ACSM5: variants seen among roughly 807,000 people sequenced by gnomAD.
ACSM5 encodes acyl-coenzyme A synthetase ACSM5, mitochondrial.
A neutral mutation model predicts 71.6 loss-of-function variants in ACSM5; 56 were observed. That is an observed-to-expected ratio of 0.78 (90% CI 0.63 to 0.98). The LOEUF (loss-of-function observed/expected upper bound fraction) is 0.98. ACSM5 is among the 50% of genes least tolerant of loss of function. ACSM5 has a pLI of 0.00. For synonymous variants in ACSM5, 285 were observed against 281.5 expected, an observed-to-expected ratio of 1.01 and a Z score of -0.12; for missense variants, 723 against 726.0, an observed-to-expected ratio of 1.00 and a Z score of 0.05.
intron 2 of ACSM5, among the ~76,000 whole-genome samples, chr16:20,414,248 C>T (rs538776464): frequency 5.3e-5 from 8 of 152,222 alleles, no homozygotes; most frequent in South Asian, 2.1e-4. Context: ...TGGCAAGAGA[C>T]TTTGCAAACA....
Position 20,427,793 on chromosome 16 carries a change from C to T in ACSM5, c.927C>T (p.Leu309=). 6.2e-7 allele frequency: 1 copy of T among 1,612,874 alleles called. No homozygotes were observed. The highest frequency in any genetic ancestry group is 2.2e-5 in the East Asian group (1 of 44,886). ...CACCCTTTGTTTTTGTTTAGACTCT[C>T]TCCAAATTCCCGATAACCACCCTCT... is the stretch of plus-strand genomic sequence containing the variant. ...RVDAKVILNT[L]SKFPITTLCC... is the part of the protein sequence containing the mutation. The change falls in exon 7 of 14, where the codon CTC becomes CTT. Residue 309 remains leucine (L), a synonymous_variant. Coordinates refer to ENST00000331849, the MANE Select transcript of ACSM5 (RefSeq NM_017888.3).
rs771212949 is a variant in ACSM5 at position 20,419,395 on chromosome 16, A to C, written c.583A>C (p.Ser195Arg). Residue 195 changes from serine (S) to arginine (R), a missense_variant, in exon 4 of 14, where the codon AGC (serine) becomes CGC (arginine). Physicochemically the swap from Ser to Arg is moderately radical, Grantham distance 110 (BLOSUM62 -1). Transcript: ENST00000331849. ...SLQTKLLVSDSSRPGWLNFRE... is the reference protein window; with the variant it reads ...SLQTKLLVSDRSRPGWLNFRE... ...CCAGACCAAGCTGCTGGTGTCAGAC[A>C]GCAGTCGGCCAGGCTGGTTGAACTT... 6.2e-7 allele frequency: 1 copy of C among 1,614,228 alleles called. No individual in the cohort carries two copies. The highest frequency in any genetic ancestry group is 8.5e-7 in the Non-Finnish European group (1 of 1,180,026).
chr16:20,419,708 G>A (rs1482666466), intron 4 of ACSM5: 1 of 490,034 alleles, frequency 2.0e-6, no homozygotes, highest in African/African-American at 1.9e-5. Context: ...CAGAGTACAT[G>A]AAATAACCAA....
At chr16:20,438,125 G>A (rs1475356660) in intron 12 of ACSM5, among the ~76,000 whole-genome samples, 5 of 151,932 alleles carry the variant, frequency 3.3e-5, no homozygotes, top group Admixed American at 6.6e-5. Context: ...ACCGTGCCCG[G>A]CTAGGAGAAA....
At position 20,434,448 on chromosome 16, in the gene ACSM5, C is replaced by A. The variant is rs139808193; in HGVS notation, c.1309-2604C>A. Among the ~76,000 whole-genome samples, 906 of 152,268 alleles carry A rather than the reference C, an allele frequency of 6.0e-3. 6 individuals carry two copies. The highest frequency in any genetic ancestry group is 0.021 in the African/African-American group (868 of 41,560). ...GTTGCTCACGACTGTAATCCTAGCACTTTGGGAGGCCAAGGCTGGTGGATC... is the reference window on the plus strand; with the variant it reads ...GTTGCTCACGACTGTAATCCTAGCAATTTGGGAGGCCAAGGCTGGTGGATC... On this transcript the variant is annotated intron_variant, in intron 10 of 13. Coordinates refer to ENST00000331849, the MANE Select transcript of ACSM5 (RefSeq NM_017888.3).
intron 10 of ACSM5, among the ~76,000 whole-genome samples, chr16:20,434,492 G>A (rs762397703): frequency 3.9e-5 from 6 of 152,174 alleles, no homozygotes; most frequent in South Asian, 2.1e-4. Context: ...TCAGGAGTTC[G>A]AGACCAGCCT....
At chr16:20,415,854 G>T (rs1966855325) in intron 2 of ACSM5, among the ~76,000 whole-genome samples, 1 of 152,086 alleles carries the variant, frequency 6.6e-6, no homozygotes, top group South Asian at 2.1e-4. Flanking sequence ...TTCATTGTTT[G>T]AATGGATATG....
intron 1 of ACSM5, among the ~76,000 whole-genome samples, chr16:20,410,566 C>G (rs8062521): frequency 0.084 from 12,799 of 151,936 alleles, 1,225 homozygotes; most frequent in African/African-American, 0.24. Flanking sequence ...CCTGTTTCTA[C>G]AAAAAAACTT....
intron 10 of ACSM5, among the ~76,000 whole-genome samples, chr16:20,435,905 C>T (rs890693377): frequency 2.6e-5 from 4 of 151,054 alleles, no homozygotes; most frequent in African/African-American, 9.7e-5. Context: ...AGCCCTTCTC[C>T]CACCCTCCCT....
At chr16:20,430,487 A>G (rs900141230) in intron 8 of ACSM5, among the ~76,000 whole-genome samples, 12 of 152,042 alleles carry the variant, frequency 7.9e-5, no homozygotes, top group African/African-American at 2.4e-4. Flanking sequence ...GTGCCCCATA[A>G]TTGTTTGTTA....
At chr16:20,421,134 T>C (rs2141647045) in intron 4 of ACSM5, 124 bp from the exon 5 acceptor site, 4 of 1,282,000 alleles carry the variant, frequency 3.1e-6, no homozygotes, top group Non-Finnish European at 4.1e-6. Context: ...AAGCCAGAGC[T>C]TTCAGCACAG....
chr16:20,423,563 C>T (rs1435844888), intron 5 of ACSM5, among the ~76,000 whole-genome samples: 6 of 152,198 alleles, frequency 3.9e-5, no homozygotes, highest in Admixed American at 3.9e-4. Flanking sequence ...CAAGACTAAT[C>T]GTTCATTTCT....
At position 20,440,584 on chromosome 16, in the gene ACSM5, G is replaced by T. The variant is rs1967307960; in HGVS notation, c.*157G>T. 1 of 651,186 alleles carries T rather than the reference G, an allele frequency of 1.5e-6. No homozygotes were observed. Among genetic ancestry groups the T allele is most frequent in the Admixed American group, 2.7e-5 (1 of 36,440 alleles). The allele number at this position is 651,186 out of a possible 1,614,324, so 40.3% of individuals were successfully genotyped here. The stretch of plus-strand genomic sequence containing the variant: ...ATCCCCAGGATCACTGGGCAATGCT[G>T]GAAAGAGCAAAAGAATATCATTGGC... On this transcript the variant is annotated 3_prime_UTR_variant, in exon 14 of 14. Coordinates refer to ENST00000331849, the MANE Select transcript of ACSM5 (RefSeq NM_017888.3).
At position 20,440,372 on chromosome 16, in the gene ACSM5, C is replaced by T. The variant is rs536227450; in HGVS notation, c.1685C>T (p.Thr562Met). The change falls in exon 14 of 14, where the codon ACG (threonine) becomes ATG (methionine). Residue 562 changes from threonine to methionine, a missense_variant. Coordinates refer to ENST00000331849, the MANE Select transcript of ACSM5 (RefSeq NM_017888.3). ...KVAFVSELPK[T>M]VSGKIQRSKL... ...GCCTTTGTTTCAGAACTGCCAAAGA[C>T]GGTTTCTGGAAAGATCCAAAGGAGT... 3.8e-5 allele frequency: 61 copies of T among 1,605,546 alleles called. 2 individuals are homozygous for T. The South Asian group carries it at 5.4e-4, about 14-fold the overall frequency.
chr16:20,411,348 T>A, intron 1 of ACSM5, 122 bp from the exon 2 acceptor site: 1 of 753,126 alleles, frequency 1.3e-6, no homozygotes, highest in Non-Finnish European at 2.2e-6. Context: ...GGAGAGTTTA[T>A]TCTACAAGTC....
chr16:20,420,824 G>T (rs1966875151), intron 4 of ACSM5, among the ~76,000 whole-genome samples: 1 of 152,170 alleles, frequency 6.6e-6, no homozygotes, highest in Non-Finnish European at 1.5e-5. Flanking sequence ...CCGTGGATTA[G>T]CTGATCATCC....
chr16:20,431,500 CA>C (rs1216185706), intron 10 of ACSM5, among the ~76,000 whole-genome samples, 179 bp downstream of exon 10: 1 of 152,066 alleles, frequency 6.6e-6, no homozygotes, highest in Non-Finnish European at 1.5e-5. Flanking sequence ...GAAGCTACTA[CA>C]AAGGGGAAGT....
chr16:20,415,305 C>T (rs532006597), intron 2 of ACSM5, among the ~76,000 whole-genome samples: 1 of 152,238 alleles, frequency 6.6e-6, no homozygotes, highest in African/African-American at 2.4e-5. Context: ...TGTGGTTGGA[C>T]AATCTTTTGC....
chr16:20,418,252 T>A lies in ACSM5; in HGVS notation c.398T>A (p.Val133Glu). Reference protein sequence around the residue: ...PRLPEWWLVSVACMRTGTVMI... With the variant: ...PRLPEWWLVSEACMRTGTVMI... The stretch of plus-strand genomic sequence containing the variant: ...CTCCCGGAGTGGTGGCTGGTCAGTG[T>A]GGCTTGCATGCGGACAGGTCAGTAA... The change falls in exon 3 of 14, where the codon GTG (valine) becomes GAG (glutamate). Residue 133 changes from valine (V) to glutamate (E), a missense_variant. Val to Glu is a moderately radical substitution (Grantham distance 121). Coordinates refer to ENST00000331849, the MANE Select transcript of ACSM5 (RefSeq NM_017888.3). 1 of 1,611,684 alleles carries A rather than the reference T, an allele frequency of 6.2e-7. No individual in the cohort carries two copies. The highest frequency in any genetic ancestry group is 8.5e-7 in the Non-Finnish European group (1 of 1,179,614).
Sources: gnomAD v4.1 joint callset for allele counts (sites outside exome capture counted in the v4.1 genomes callset) on GRCh38, gnomAD v4.1.1 for gene constraint, MANE v1.5 for transcripts, NCBI Gene and HGNC (gene_info 2026-07-23, HGNC 2026-07-21) for gene names.